Variants in IGFBP2 observed in about 807,000 individuals in gnomAD.
IGFBP2 encodes the protein insulin like growth factor binding protein 2.
A neutral mutation model predicts 26.2 loss-of-function variants in IGFBP2; 12 were observed. The observed-to-expected ratio is 0.46, with a 90% CI of 0.29 to 0.74. The LOEUF is 0.74. Among genes scored for constraint, IGFBP2 ranks in the 30% least tolerant of loss-of-function variants. The probability of loss-of-function intolerance (pLI) is 0.09; values close to 1 mark genes in which losing one functional copy is unlikely to be tolerated. For missense variants in IGFBP2, 328 were observed against 441.2 expected (o/e 0.74, Z 2.30); for synonymous variants, 189 against 200.6 (o/e 0.94, Z 0.49).
intron 1 of IGFBP2, among the ~76,000 whole-genome samples, chr2:216,649,580 C>A (rs569487213): frequency 6.6e-6 from 1 of 152,276 alleles, no homozygotes; most frequent in Admixed American, 6.5e-5. Flanking sequence ...TGTTTGGGAC[C>A]CGTGGAAAGG....
At chr2:216,644,940 T>G (rs1697681840) in intron 1 of IGFBP2, among the ~76,000 whole-genome samples, 1 of 152,250 alleles carries the variant, frequency 6.6e-6, no homozygotes, top group Non-Finnish European at 1.5e-5. Flanking sequence ...AATTATATAC[T>G]GCTTCTTGGA....
At chr2:216,638,461 C>G (rs1010518038) in intron 1 of IGFBP2, among the ~76,000 whole-genome samples, 2 of 151,798 alleles carry the variant, frequency 1.3e-5, no homozygotes, top group African/African-American at 4.8e-5. Context: ...GCCGAGATGG[C>G]GCCACTCCAC....
chr2:216,663,628 G>A (rs971813687), intron 3 of IGFBP2: 1 of 280,508 alleles, frequency 3.6e-6, no homozygotes, highest in South Asian at 6.9e-5. Flanking sequence ...GGACCTCTTT[G>A]AGGCTGGGGA....
In IGFBP2 at chr2:216,635,459, T is replaced by A. The variant is rs9341099; in HGVS notation, c.442+1494T>A. On this transcript the variant is annotated intron_variant, in intron 1 of 3. Transcript: ENST00000233809. ...CACCCCTCGTGGTCCACCGGGGAGG[T>A]GCTGTGCAGTTTCTGAGCTGAACTC... 7.7e-3 allele frequency among the ~76,000 whole-genome samples: 1,168 copies of A among 152,134 alleles called. 13 individuals are homozygous for A. The highest frequency in any genetic ancestry group is 0.026 in the African/African-American group (1,091 of 41,516).
intron 1 of IGFBP2, among the ~76,000 whole-genome samples, chr2:216,645,315 C>T (rs1697689984): frequency 6.6e-6 from 1 of 152,066 alleles, no homozygotes; most frequent in East Asian, 1.9e-4. Flanking sequence ...TAGCCTACTT[C>T]TAGGGAAAGA....
intron 1 of IGFBP2, among the ~76,000 whole-genome samples, chr2:216,643,572 G>C (rs912659670): frequency 2.0e-5 from 3 of 152,090 alleles, no homozygotes; most frequent in Non-Finnish European, 4.4e-5. Flanking sequence ...TAGACCAGGG[G>C]TGTCCAATCT....
In IGFBP2 at chr2:216,664,235, G is replaced by C. The variant is rs573086755; in HGVS notation, c.*131G>C. On this transcript the variant is annotated 3_prime_UTR_variant, in exon 4 of 4. Coordinates refer to ENST00000233809, the MANE Select transcript of IGFBP2 (RefSeq NM_000597.3). The surrounding 1 kb of genome is among the most constrained non-coding windows in gnomAD (Gnocchi z 4.6). The stretch of plus-strand genomic sequence containing the variant: ...TGACACACGTATTTATATTTGGAAA[G>C]AGACCAGCACCGAGCTCGGCACCTC... 26 of 746,302 alleles carry C rather than the reference G, an allele frequency of 3.5e-5. No homozygotes were observed. The highest frequency in any genetic ancestry group is 2.7e-4 in the African/African-American group (15 of 56,502). 46.2% of individuals were successfully genotyped at this position (746,302 alleles called of 1,614,324 possible).
chr2:216,644,637 C>T (rs1201228444), intron 1 of IGFBP2, among the ~76,000 whole-genome samples: 1 of 152,168 alleles, frequency 6.6e-6, no homozygotes, highest in African/African-American at 2.4e-5. Flanking sequence ...AAGGGAGCCA[C>T]CTCAAAGAAT....
At chr2:216,655,509 C>G (rs1303559070) in intron 1 of IGFBP2, among the ~76,000 whole-genome samples, 1 of 152,202 alleles carries the variant, frequency 6.6e-6, no homozygotes, top group African/African-American at 2.4e-5. Context: ...TTGTGAGTTT[C>G]CTGAGGCCTC....
At position 216,660,603 on chromosome 2, in the gene IGFBP2, G is replaced by A; in HGVS notation, c.489G>A (p.Val163=). 1 of 1,613,804 alleles carries A rather than the reference G, an allele frequency of 6.2e-7. No individual in the cohort carries two copies. Residue 163 remains valine, a synonymous_variant, in exon 2 of 4, where the codon GTG becomes GTA. Coordinates refer to ENST00000233809, the MANE Select transcript of IGFBP2 (RefSeq NM_000597.3). The part of the protein sequence containing the change: ...HSEGGLVENH[V]DSTMNMLGGG... ...AAGGAGGCCTGGTGGAGAACCACGT[G>A]GACAGCACCATGAACATGTTGGGCG...
At chr2:216,639,523 G>A (rs912282529) in intron 1 of IGFBP2, among the ~76,000 whole-genome samples, 3 of 151,516 alleles carry the variant, frequency 2.0e-5, no homozygotes, top group South Asian at 2.1e-4. Context: ...TCCTTCCCGC[G>A]TACTAGAAGA....
rs1688661525 is a variant in IGFBP2 at position 216,661,969 on chromosome 2, G to A, written c.784G>A (p.Asp262Asn). 6.2e-7 allele frequency: 1 copy of A among 1,614,088 alleles called. No individual in the cohort carries two copies. The highest frequency in any genetic ancestry group is 1.1e-5 in the South Asian group (1 of 91,084). The change falls in exon 3 of 4, where the codon GAC becomes AAC. Residue 262 changes from aspartate (D) to asparagine (N), a missense_variant. Physicochemically the swap from Asp to Asn is conservative, Grantham distance 23. Coordinates refer to ENST00000233809, the MANE Select transcript of IGFBP2 (RefSeq NM_000597.3). Reference sequence around the variant, plus strand: ...CTACTCCCTGCACATCCCCAACTGTGACAAGCATGGCCTGTACAACCTCAA... The same window carrying A: ...CTACTCCCTGCACATCCCCAACTGTAACAAGCATGGCCTGTACAACCTCAA... Reference protein sequence around the residue: ...HLYSLHIPNCDKHGLYNLKQC... With the variant: ...HLYSLHIPNCNKHGLYNLKQC...
chr2:216,643,342 C>A (rs550355403), intron 1 of IGFBP2, among the ~76,000 whole-genome samples: 1 of 152,296 alleles, frequency 6.6e-6, no homozygotes, highest in Admixed American at 6.5e-5. Context: ...TACCTAATGT[C>A]TGATTCCATC....
At chr2:216,658,420 C>G (rs1260117596) in intron 1 of IGFBP2, among the ~76,000 whole-genome samples, 2 of 152,118 alleles carry the variant, frequency 1.3e-5, no homozygotes, top group African/African-American at 2.4e-5. Context: ...CGGTTGGGTT[C>G]CATGCTGCTG....
intron 3 of IGFBP2, 186 bp downstream of exon 3, chr2:216,662,184 G>A: frequency 1.5e-6 from 1 of 651,208 alleles, no homozygotes; most frequent in Non-Finnish European, 2.6e-6. Context: ...TCTTCTCCCT[G>A]CCTCCGACGG....
chr2:216,642,050 A>T (rs1298255635), intron 1 of IGFBP2, among the ~76,000 whole-genome samples: 2 of 137,936 alleles, frequency 1.4e-5, no homozygotes, highest in Non-Finnish European at 3.0e-5. Flanking sequence ...CCCAGGCTGG[A>T]GTTCAGTGGC....
intron 1 of IGFBP2, among the ~76,000 whole-genome samples, chr2:216,638,958 C>G (rs1383010012): frequency 1.3e-5 from 2 of 151,710 alleles, no homozygotes; most frequent in African/African-American, 4.8e-5. Context: ...CCTCGGCCTC[C>G]CAAAGTGCTG....
chr2:216,654,622 C>A (rs1697885190), intron 1 of IGFBP2, among the ~76,000 whole-genome samples: 1 of 152,184 alleles, frequency 6.6e-6, no homozygotes, highest in African/African-American at 2.4e-5. Flanking sequence ...GCTTCTACTT[C>A]AAGATGTGGA....
chr2:216,651,785 T>C (rs1697829671), intron 1 of IGFBP2, among the ~76,000 whole-genome samples: 1 of 152,238 alleles, frequency 6.6e-6, no homozygotes, highest in Admixed American at 6.5e-5. Context: ...AACAAGGTCT[T>C]GCTTTGTCGC....
Sources: allele counts gnomAD v4.1 joint callset (sites outside exome capture counted in the v4.1 genomes callset), GRCh38; gene constraint gnomAD v4.1.1; non-coding constraint Gnocchi (gnomAD v3.1); transcripts MANE v1.5; gene names NCBI Gene and HGNC (gene_info 2026-07-23, HGNC 2026-07-21).